The following COL6A3 variants were observed in gnomAD, a reference collection of about 807,000 sequenced individuals.
The protein encoded by COL6A3 is collagen alpha-3(VI) chain.
Under a neutral mutation model 274.1 loss-of-function variants are expected in COL6A3, and 137 were observed. That is an observed-to-expected ratio of 0.50 (90% CI 0.44 to 0.58). The LOEUF is 0.58. COL6A3 is among the 20% of genes least tolerant of loss of function. COL6A3 has a pLI of 0.00. For missense variants in COL6A3, 3,950 were observed against 4,124.9 expected (o/e 0.96, Z 1.16); for synonymous variants, 1,650 against 1,650.6 (o/e 1.00, Z 0.01).
At chr2:237,336,077 C>T (rs1292719623) in intron 40 of COL6A3, 58 bp downstream of exon 40, 1 of 1,602,048 alleles carries the variant, frequency 6.2e-7, no homozygotes, top group East Asian at 2.2e-5. Context: ...GAGGAACACA[C>T]CCTGGAGCAG....
chr2:237,344,324 G>A lies in COL6A3; in HGVS notation c.7668+26C>T. 1 of 1,614,094 alleles carries A rather than the reference G, an allele frequency of 6.2e-7. No individual in the cohort carries two copies. The highest frequency in any genetic ancestry group is 8.5e-7 in the Non-Finnish European group (1 of 1,180,016). ...TCAGAGCCCCAGAAGAAAGGGAGATGCCAACAGCACGCACAGAGCACAGAC... is the reference window on the plus strand; with the variant it reads ...TCAGAGCCCCAGAAGAAAGGGAGATACCAACAGCACGCACAGAGCACAGAC... On this transcript the variant is annotated intron_variant, in intron 36 of 43. Coordinates refer to ENST00000295550, the MANE Select transcript of COL6A3 (RefSeq NM_004369.4). This position sits in a 1 kb window ranked among gnomAD's most constrained non-coding sequence, Gnocchi z 4.8.
chr2:237,328,933 G>A (rs551832501), intron 42 of COL6A3: 3 of 152,308 alleles, frequency 2.0e-5, no homozygotes, highest in Admixed American at 6.5e-5. Flanking sequence ...ACAGTATAAA[G>A]TACTTCCATA....
In COL6A3 at chr2:237,374,672, G is replaced by A. The variant is rs201131900; in HGVS notation, c.3419C>T (p.Thr1140Met). Residue 1140 changes from threonine (T) to methionine (M), a missense_variant, in exon 8 of 44, where the codon ACG becomes ATG. Thr to Met is a moderately conservative substitution (Grantham distance 81, BLOSUM62 -1). Around this residue, in one of 5 missense-constraint regions of COL6A3, gnomAD observed 1,934 missense variants for 1,984.3 expected, o/e 0.97. Coordinates refer to ENST00000295550, the MANE Select transcript of COL6A3 (RefSeq NM_004369.4). The surrounding 1 kb of genome is among the most constrained non-coding windows in gnomAD (Gnocchi z 4.8). ...EGVPQLLIVL[T>M]ADRSGDDVRN... ...CACATCATCCCCAGACCTGTCGGCC[G>A]TGAGGACGATCAGCAGCTGGGGCAC... The A allele has an allele frequency of 3.1e-4, 497 of 1,613,892 alleles. No homozygotes were observed. The highest frequency in any genetic ancestry group is 4.7e-4 in the Admixed American group (28 of 60,028).
At chr2:237,347,976 G>C in intron 30 of COL6A3, 107 bp from the exon 31 acceptor site, 1 of 1,029,610 alleles carries the variant, frequency 9.7e-7, no homozygotes, top group Non-Finnish European at 1.5e-6. Context: ...ACTTTTCCCG[G>C]GCAGCCAAGT....
In COL6A3 at chr2:237,395,698, G is replaced by GA. The variant is rs2078422011; in HGVS notation, c.92-495dup. Among the ~76,000 whole-genome samples the GA allele has an allele frequency of 3.9e-5, 6 of 152,270 alleles. No homozygotes were observed. In the South Asian group the frequency reaches 6.2e-4, roughly 16 times the overall value. On this transcript the variant is annotated intron_variant, in intron 2 of 43. Coordinates refer to ENST00000295550, the MANE Select transcript of COL6A3 (RefSeq NM_004369.4). The stretch of plus-strand genomic sequence containing the variant: ...CCCCAATGCTTTGGGTAATTTGCGT[G>GA]AAAAATAAATATAATAAATACATGT...
At position 237,354,928 on chromosome 2, in the gene COL6A3, A is replaced by C. The variant is rs1046398315; in HGVS notation, c.6598T>G (p.Phe2200Val). The C allele has an allele frequency of 2.5e-6, 4 of 1,613,876 alleles. No individual in the cohort carries two copies. Among genetic ancestry groups the C allele is most frequent in the Non-Finnish European group, 3.4e-6 (4 of 1,179,908 alleles). The change falls in exon 24 of 44, where the codon TTT becomes GTT. Residue 2200 changes from phenylalanine to valine, a missense_variant. By Grantham distance (50) the Phe-to-Val change is conservative (BLOSUM62 -1). This residue lies in a region of COL6A3 where 1,284 missense variants were observed against 1,349.7 expected (regional missense o/e 0.95). Transcript: ENST00000295550. ...GCTCCGGGGGGTCCCCTTCGGCCAA[A>C]GCCACCCTGTGGAAGAAAAAGTCCC... ...GPGETGKNGG[F>V]GRRGPPGAKG...
intron 40 of COL6A3, 90 bp downstream of exon 40, chr2:237,336,045 G>A: frequency 6.7e-7 from 1 of 1,497,898 alleles, no homozygotes; most frequent in Non-Finnish European, 9.2e-7. Context: ...ACTGTATTCT[G>A]AGTGTGTTAC....
Position 237,372,267 on chromosome 2 carries a change from G to A in COL6A3, c.3750C>T (p.Tyr1250=), listed in dbSNP as rs763648429. ...CCAGCCTCTCTATGAGGGTGCGAAC[G>A]TACTGGAACTCAGGCCCGGCACTTT... ...GSQSAGPEFQ[Y]VRTLIERLVD... is the part of the protein sequence containing the mutation. Residue 1250 remains tyrosine (Y), a synonymous_variant, in exon 9 of 44, where the codon TAC becomes TAT. Coordinates refer to ENST00000295550, the MANE Select transcript of COL6A3 (RefSeq NM_004369.4). The A allele has an allele frequency of 1.7e-5, 28 of 1,613,480 alleles. 1 individual carries two copies. Among genetic ancestry groups the A allele is most frequent in the African/African-American group, 4.0e-5 (3 of 74,920 alleles).
In COL6A3 at chr2:237,325,560, C is replaced by G; in HGVS notation, c.9493G>C (p.Val3165Leu). The G allele has an allele frequency of 6.2e-7, 1 of 1,614,084 alleles. No individual in the cohort carries two copies. Among genetic ancestry groups the G allele is most frequent in the South Asian group, 1.1e-5 (1 of 91,078 alleles). ...ATAAACACAAGGAAGAATCACTTAC[C>G]AGGAGCGCAAACCTTTTCACATTCT... is the stretch of plus-strand genomic sequence containing the variant. ...QKECEKVCAP[V>L]LAKPGVISVM... The change falls in exon 43 of 44, where the codon GTG becomes CTG. Residue 3165 changes from valine to leucine, a missense_variant and splice_region_variant. Physicochemically the swap from Val to Leu is conservative, Grantham distance 32. Transcript: ENST00000295550.
intron 26 of COL6A3, among the ~76,000 whole-genome samples, chr2:237,352,236 A>T (rs2106333288): frequency 6.6e-6 from 1 of 152,338 alleles, no homozygotes; most frequent in South Asian, 2.1e-4. Context: ...ATTTTCCAGG[A>T]TTCCATCCTG....
At chr2:237,359,820 C>T (rs1269841474) in intron 17 of COL6A3, among the ~76,000 whole-genome samples, 2 of 152,234 alleles carry the variant, frequency 1.3e-5, no homozygotes, top group East Asian at 3.9e-4. Flanking sequence ...TACCCTCCGC[C>T]CTGGCCCATG....
At chr2:237,380,856 T>A in intron 5 of COL6A3, 59 bp downstream of exon 5, 1 of 1,494,858 alleles carries the variant, frequency 6.7e-7, no homozygotes, top group Non-Finnish European at 9.3e-7. Flanking sequence ...TTTGTTTTGT[T>A]CTTAAAGGCC....
chr2:237,331,207 T>C (rs1473101331), intron 42 of COL6A3, among the ~76,000 whole-genome samples: 1 of 152,244 alleles, frequency 6.6e-6, no homozygotes, highest in Non-Finnish European at 1.5e-5. Flanking sequence ...CATTGGAATT[T>C]GGATGCAAAA....
chr2:237,412,569 C>A (rs12692202), intron 1 of COL6A3, among the ~76,000 whole-genome samples: 65,302 of 152,162 alleles, frequency 0.43, 15,783 homozygotes, highest in East Asian at 0.64. Flanking sequence ...CCAAAAATCT[C>A]TTCCATTATC....
At position 237,336,456 on chromosome 2, in the gene COL6A3, G is replaced by A. The variant is rs1553544899; in HGVS notation, c.8644C>T (p.Pro2882Ser). 6 of 1,614,152 alleles carry A rather than the reference G, an allele frequency of 3.7e-6. No individual in the cohort carries two copies. Among genetic ancestry groups the A allele is most frequent in the Middle Eastern group, 3.3e-4 (2 of 6,062 alleles). Residue 2882 changes from proline (P) to serine (S), a missense_variant, in exon 40 of 44, where the codon CCG (proline) becomes TCG (serine). Physicochemically the swap from Pro to Ser is moderately conservative, Grantham distance 74 (BLOSUM62 -1). Transcript: ENST00000295550. ...TTTKPVTTTK[P>S]VTTTTKPVTT... ...ACAGGCTTTGTTGTGGTGGTCACCG[G>A]CTTCGTCGTAGTCACCGGCTTCGTT...
In COL6A3 at chr2:237,366,807, C is replaced by T. The variant is rs34528162; in HGVS notation, c.5380G>A (p.Ala1794Thr). 8.1e-6 allele frequency: 13 copies of T among 1,614,148 alleles called. No individual in the cohort carries two copies. The highest frequency in any genetic ancestry group is 1.1e-5 in the South Asian group (1 of 91,090). Residue 1794 changes from alanine to threonine, a missense_variant, in exon 11 of 44, where the codon GCC becomes ACC. Transcript: ENST00000295550. Reference sequence around the variant, plus strand: ...ACGTTGCCCACGCGGAACGCTGTGGCGCTGTTGGACGCTATCTTTCCAACC... The same window carrying T: ...ACGTTGCCCACGCGGAACGCTGTGGTGCTGTTGGACGCTATCTTTCCAACC... ...EEVGKIASNS[A>T]TAFRVGNVQE...
Position 237,351,156 on chromosome 2 carries a change from C to T in COL6A3, c.6790G>A (p.Gly2264Ser), listed in dbSNP as rs2077198183. ...TTTCTTCCCAGTGGACCGGTTCTGC[C>T]TCGTTCTCCAGGAGCACCAGCGGCA... Reference protein sequence around the residue: ...GGAAGAPGERGRTGPLGRKGE... With the variant: ...GGAAGAPGERSRTGPLGRKGE... The change falls in exon 27 of 44, where the codon GGC (glycine) becomes AGC (serine). Residue 2264 changes from glycine (G) to serine (S), a missense_variant. Coordinates refer to ENST00000295550, the MANE Select transcript of COL6A3 (RefSeq NM_004369.4). 1 of 1,614,114 alleles carries T rather than the reference C, an allele frequency of 6.2e-7. No individual in the cohort carries two copies. The highest frequency in any genetic ancestry group is 8.5e-7 in the Non-Finnish European group (1 of 1,180,048).
intron 42 of COL6A3, chr2:237,326,382 A>G (rs1352270452): frequency 6.6e-6 from 1 of 152,266 alleles, no homozygotes; most frequent in Non-Finnish European, 1.5e-5. Flanking sequence ...GTCACATAGC[A>G]GAACTATTTT....
At chr2:237,395,671 A>AC (rs1173532732) in intron 2 of COL6A3, among the ~76,000 whole-genome samples, 4 of 152,144 alleles carry the variant, frequency 2.6e-5, no homozygotes, top group Non-Finnish European at 5.9e-5. Context: ...CCATTCACTA[A>AC]CCCCCAATGC....
Sources: gnomAD v4.1 joint callset for allele counts (sites outside exome capture counted in the v4.1 genomes callset) on GRCh38, gnomAD v4.1.1 for gene constraint, gnomAD v4.1.1 regional missense constraint, Gnocchi (gnomAD v3.1) non-coding constraint, MANE v1.5 for transcripts, NCBI Gene and HGNC (gene_info 2026-07-23, HGNC 2026-07-21) for gene names.